TRPM6: variants seen among roughly 807,000 people sequenced by gnomAD.
The protein encoded by TRPM6 is transient receptor potential cation channel subfamily M member 6.
TRPM6 carries 111 observed loss-of-function variants against 247.6 expected under a neutral mutation model. The observed-to-expected ratio is 0.45, with a 90% confidence interval of 0.38 to 0.52. The LOEUF (loss-of-function observed/expected upper bound fraction) is 0.52. Among genes scored for constraint, TRPM6 ranks in the 20% least tolerant of loss-of-function variants. The probability of loss-of-function intolerance (pLI) is 0.00; values close to 1 mark genes in which losing one functional copy is unlikely to be tolerated. For synonymous variants in TRPM6, 892 were observed against 853.8 expected (o/e 1.04, Z -0.78); for missense variants, 2,126 against 2,421.5 (o/e 0.88, Z 2.56).
chr9:74,859,532 G>A (rs894367574), intron 1 of TRPM6, among the ~76,000 whole-genome samples: 23 of 152,180 alleles, frequency 1.5e-4, no homozygotes, highest in African/African-American at 5.3e-4. Context: ...CAACACTTTG[G>A]GAGGCCAAGG....
rs1564034405 is a variant in TRPM6 at position 74,830,743 on chromosome 9, A to ATTT, written c.670-2797_670-2795dup. Among the ~76,000 whole-genome samples, 45 of 106,234 alleles carry ATTT rather than the reference A, an allele frequency of 4.2e-4. 3 individuals carry two copies. Among genetic ancestry groups the ATTT allele is most frequent in the African/African-American group, 1.4e-3 (39 of 27,136 alleles). 69.7% of individuals were successfully genotyped at this position (106,234 alleles called of 152,430 possible). The stretch of plus-strand genomic sequence containing the variant: ...AGGCGTGCACCACCATGCCCAGCTA[A>ATTT]TTTTTGTTTTTTTTTTTTTTTTTTT... On this transcript the variant is annotated intron_variant, in intron 6 of 38. Transcript: ENST00000360774.
chr9:74,855,044 G>A (rs998713725), intron 3 of TRPM6, among the ~76,000 whole-genome samples: 1 of 152,128 alleles, frequency 6.6e-6, no homozygotes, highest in Non-Finnish European at 1.5e-5. Context: ...TTCAGGCTAT[G>A]ATCAGAATTA....
At chr9:74,816,561 C>T in intron 11 of TRPM6, 108 bp downstream of exon 11, 3 of 895,890 alleles carry the variant, frequency 3.3e-6, no homozygotes, top group Non-Finnish European at 5.3e-6. Flanking sequence ...GATGCTACCC[C>T]ACACTTCTAC....
At chr9:74,792,802 C>T in intron 18 of TRPM6, 32 bp from the exon 19 acceptor site, 1 of 1,599,856 alleles carries the variant, frequency 6.3e-7, no homozygotes, top group Non-Finnish European at 8.6e-7. Flanking sequence ...ATTTTCTTGT[C>T]AGCAGCTTAA....
At chr9:74,863,991 A>G in intron 1 of TRPM6, among the ~76,000 whole-genome samples, 1 of 150,216 alleles carries the variant, frequency 6.7e-6, no homozygotes, top group East Asian at 1.9e-4. Flanking sequence ...TTTGCACCTT[A>G]AAAAAAATCT....
At chr9:74,777,626 A>G (rs1827269509) in intron 23 of TRPM6, among the ~76,000 whole-genome samples, 1 of 152,132 alleles carries the variant, frequency 6.6e-6, no homozygotes, top group Non-Finnish European at 1.5e-5. Flanking sequence ...TTGTCTCCCC[A>G]CATCAGAGTG....
At chr9:74,789,531 G>C (rs1179283951) in intron 19 of TRPM6, among the ~76,000 whole-genome samples, 2 of 152,156 alleles carry the variant, frequency 1.3e-5, no homozygotes, top group African/African-American at 4.8e-5. Context: ...ATTGAAAACT[G>C]TGACAAATAT....
At chr9:74,802,448 G>C (rs572012231) in intron 15 of TRPM6, among the ~76,000 whole-genome samples, 2 of 152,220 alleles carry the variant, frequency 1.3e-5, no homozygotes, top group African/African-American at 4.8e-5. Context: ...GATATACCCA[G>C]AGTGCTTAAT....
At chr9:74,834,746 G>A (rs1462591810) in intron 5 of TRPM6, among the ~76,000 whole-genome samples, 1 of 151,714 alleles carries the variant, frequency 6.6e-6, no homozygotes, top group East Asian at 1.9e-4. Context: ...GCTCATCTAT[G>A]TCCCTACAAG....
chr9:74,843,958 G>T (rs1830025059), intron 3 of TRPM6, among the ~76,000 whole-genome samples: 1 of 152,132 alleles, frequency 6.6e-6, no homozygotes, highest in African/African-American at 2.4e-5. Flanking sequence ...TGGGTGACCA[G>T]GTGTGTGGTC....
intron 37 of TRPM6, among the ~76,000 whole-genome samples, chr9:74,732,040 T>C (rs1316254736): frequency 1.3e-5 from 2 of 152,152 alleles, no homozygotes; most frequent in Non-Finnish European, 2.9e-5. Context: ...CCACCTTTAA[T>C]AGAAGAATAC....
At chr9:74,855,810 A>G (rs1830505419) in intron 2 of TRPM6, among the ~76,000 whole-genome samples, 1 of 152,216 alleles carries the variant, frequency 6.6e-6, no homozygotes, top group Non-Finnish European at 1.5e-5. Flanking sequence ...CATTGATTTA[A>G]CAATTACTCT....
chr9:74,755,578 G>A, intron 27 of TRPM6, 105 bp from the exon 28 acceptor site: 2 of 1,381,276 alleles, frequency 1.4e-6, no homozygotes, highest in African/African-American at 1.4e-5. Flanking sequence ...GTTAACACTG[G>A]CTGCATATGA....
At chr9:74,747,254 C>CG (rs1826080640) in intron 31 of TRPM6, among the ~76,000 whole-genome samples, 2 of 152,116 alleles carry the variant, frequency 1.3e-5, no homozygotes, top group African/African-American at 4.8e-5. Context: ...TATTTGTTTC[C>CG]TTTGTATAGA....
At chr9:74,817,708 C>T (rs572733105) in intron 9 of TRPM6, among the ~76,000 whole-genome samples, 45 of 147,040 alleles carry the variant, frequency 3.1e-4, no homozygotes, top group Non-Finnish European at 4.8e-4. Flanking sequence ...CTTTCATTTT[C>T]AATAAATCTC....
intron 19 of TRPM6, 124 bp from the exon 20 acceptor site, chr9:74,788,866 G>C (rs574893251): frequency 1.7e-4 from 196 of 1,154,618 alleles, no homozygotes; most frequent in Non-Finnish European, 2.4e-4. Flanking sequence ...ACAGAACTAG[G>C]ACCACCTTCG....
At chr9:74,737,217 A>ACT (rs10682495) in intron 36 of TRPM6, 38,869 of 184,500 alleles carry the variant, frequency 0.21, 5,122 homozygotes, top group African/African-American at 0.38. Flanking sequence ...ATATAATTCA[A>ACT]CTGTGAGCAG....
At chr9:74,757,563 CAAA>C (rs1176496033) in intron 27 of TRPM6, among the ~76,000 whole-genome samples, 5 of 54,036 alleles carry the variant, frequency 9.3e-5, no homozygotes, top group African/African-American at 1.2e-4. Context: ...GAGACCCTGT[CAAA>C]AAAAAAAAAA....
chr9:74,801,955 T>G lies in TRPM6; in HGVS notation c.1952A>C (p.Glu651Ala). The change falls in exon 16 of 39, where the codon GAA becomes GCA. Residue 651 changes from glutamate to alanine, a missense_variant. Glu to Ala is a moderately radical substitution (Grantham distance 107). Around this residue, in one of 3 missense-constraint regions of TRPM6, gnomAD observed 1,082 missense variants for 1,307.9 expected, o/e 0.83. Coordinates refer to ENST00000360774, the MANE Select transcript of TRPM6 (RefSeq NM_017662.5). ...ACILYRAMAH[E>A]AKESHMVDDA... is the part of the protein sequence containing the mutation. ...ATCCACCATGTGACTCTCCTTAGCT[T>G]CATGGGCCATTGCCCGGTAGAGGAT... 6.2e-7 allele frequency: 1 copy of G among 1,614,236 alleles called. No homozygotes were observed. Among genetic ancestry groups the G allele is most frequent in the African/African-American group, 1.3e-5 (1 of 75,068 alleles).
Sources: gnomAD v4.1 joint callset for allele counts (sites outside exome capture counted in the v4.1 genomes callset) on GRCh38, gnomAD v4.1.1 for gene constraint, gnomAD v4.1.1 regional missense constraint, MANE v1.5 for transcripts, NCBI Gene and HGNC (gene_info 2026-07-23, HGNC 2026-07-21) for gene names.